The following KCTD16 variants were observed in gnomAD, a reference collection of about 807,000 sequenced individuals.
The protein encoded by KCTD16 is potassium channel tetramerization domain containing 16.
Under a neutral mutation model 33.2 loss-of-function variants are expected in KCTD16, and 13 were observed. That is an observed-to-expected ratio of 0.39 (90% CI 0.25 to 0.62). The LOEUF (loss-of-function observed/expected upper bound fraction) is 0.62, where lower values mean the gene tolerates loss of function less well. Ranked by LOEUF, KCTD16 falls within the 20% of genes least tolerant of loss-of-function variation. KCTD16 has a pLI of 0.50. For missense variants in KCTD16, 441 were observed against 525.1 expected (o/e 0.84, Z 1.57); for synonymous variants, 197 against 195.3 (o/e 1.01, Z -0.07).
chr5:144,199,483 G>T (rs1429080539), intron 2 of KCTD16, among the ~76,000 whole-genome samples: 1 of 152,190 alleles, frequency 6.6e-6, no homozygotes, highest in East Asian at 1.9e-4. Flanking sequence ...CTAAAATAGT[G>T]CATGTGGATT....
intron 3 of KCTD16, among the ~76,000 whole-genome samples, chr5:144,307,723 A>G (rs1230990991): frequency 6.6e-6 from 1 of 152,258 alleles, no homozygotes; most frequent in Non-Finnish European, 1.5e-5. Context: ...TTCAGATTAC[A>G]TAGCCATTTA....
chr5:144,434,833 A>G (rs2126971884), intron 3 of KCTD16, among the ~76,000 whole-genome samples: 1 of 152,258 alleles, frequency 6.6e-6, no homozygotes, highest in East Asian at 1.9e-4. Context: ...ACTGTGGGAG[A>G]CAACATTGTG....
At chr5:144,238,015 A>T (rs1209194726) in intron 3 of KCTD16, among the ~76,000 whole-genome samples, 2 of 152,204 alleles carry the variant, frequency 1.3e-5, no homozygotes, top group Non-Finnish European at 2.9e-5. Context: ...ATTACTAGTG[A>T]CTGGCATTTT....
intron 3 of KCTD16, among the ~76,000 whole-genome samples, chr5:144,307,076 C>T (rs1344291000): frequency 6.6e-6 from 1 of 152,182 alleles, no homozygotes. Flanking sequence ...CCTTTCTGGC[C>T]TTCTCCATAC....
chr5:144,378,412 T>C (rs1752140060), intron 3 of KCTD16, among the ~76,000 whole-genome samples: 1 of 152,208 alleles, frequency 6.6e-6, no homozygotes, highest in Non-Finnish European at 1.5e-5. Context: ...ATCAATACTA[T>C]TTTTTATTTC....
At chr5:144,343,931 A>T (rs1752713748) in intron 3 of KCTD16, among the ~76,000 whole-genome samples, 1 of 152,132 alleles carries the variant, frequency 6.6e-6, no homozygotes, top group Non-Finnish European at 1.5e-5. Context: ...ACAAAGCTGG[A>T]GGCATCACGC....
intron 2 of KCTD16, among the ~76,000 whole-genome samples, chr5:144,184,535 G>C (rs1449376673): frequency 3.3e-5 from 5 of 152,144 alleles, no homozygotes; most frequent in African/African-American, 1.2e-4. Context: ...CTTAGAAGTA[G>C]AATTGCCTGA....
chr5:144,279,581 C>T (rs571940254), intron 3 of KCTD16, among the ~76,000 whole-genome samples: 58 of 152,308 alleles, frequency 3.8e-4, no homozygotes, highest in African/African-American at 1.3e-3. Context: ...AAGATCAAGG[C>T]ATTGGCATCT....
chr5:144,316,574 G>T (rs1305167112), intron 3 of KCTD16, among the ~76,000 whole-genome samples: 11 of 146,702 alleles, frequency 7.5e-5, no homozygotes, highest in Non-Finnish European at 1.0e-4. Context: ...GCAGTGGCGC[G>T]ATCTCTCCAC....
At chr5:144,401,856 A>T (rs532107868) in intron 3 of KCTD16, among the ~76,000 whole-genome samples, 1 of 152,318 alleles carries the variant, frequency 6.6e-6, no homozygotes, top group South Asian at 2.1e-4. Flanking sequence ...AGATGAAGTG[A>T]ATTACTCAAA....
intron 3 of KCTD16, among the ~76,000 whole-genome samples, chr5:144,357,142 A>T (rs1331810315): frequency 6.6e-6 from 1 of 152,154 alleles, no homozygotes; most frequent in Admixed American, 6.6e-5. Context: ...ATAGGTTGCC[A>T]ACTTCAGCTT....
intron 2 of KCTD16, among the ~76,000 whole-genome samples, chr5:144,189,278 GTCAGGAGATTGAGACCA>G (rs1273914723): frequency 6.6e-6 from 1 of 152,056 alleles, no homozygotes; most frequent in Non-Finnish European, 1.5e-5. Flanking sequence ...GGATCACGAG[GTCAGGAGATTGAGACCA>G]TCCTGGCTAA....
rs181429543 is a variant in KCTD16 at position 144,438,586 on chromosome 5, A to G, written c.833-35074A>G. On this transcript the variant is annotated intron_variant, in intron 3 of 3. Coordinates refer to ENST00000512467, the MANE Select transcript of KCTD16 (RefSeq NM_020768.4). ...AGCCTAGCTTGGGTCATGTTCTCAT[A>G]CCTGCATCAATCACTGTGGTTGATG... 3.9e-5 allele frequency among the ~76,000 whole-genome samples: 6 copies of G among 152,282 alleles called. No individual in the cohort carries two copies. In the East Asian group the frequency reaches 7.7e-4, roughly 20 times the overall value.
chr5:144,176,964 C>G (rs573234321), intron 2 of KCTD16, among the ~76,000 whole-genome samples: 1 of 152,110 alleles, frequency 6.6e-6, no homozygotes, highest in Non-Finnish European at 1.5e-5. Context: ...TGGATGCATA[C>G]TTTGTAAATG....
intron 3 of KCTD16, among the ~76,000 whole-genome samples, chr5:144,341,166 A>G (rs922627238): frequency 2.0e-5 from 3 of 152,144 alleles, no homozygotes; most frequent in Non-Finnish European, 4.4e-5. Flanking sequence ...TAGCCATGCA[A>G]TATATGGTAT....
At chr5:144,429,232 AT>A (rs1339849867) in intron 3 of KCTD16, among the ~76,000 whole-genome samples, 2 of 152,132 alleles carry the variant, frequency 1.3e-5, no homozygotes, top group African/African-American at 4.8e-5. Context: ...ATTTGTCAGT[AT>A]TTTTCAGTTG....
intron 3 of KCTD16, among the ~76,000 whole-genome samples, chr5:144,451,383 T>C (rs2126984954): frequency 6.6e-6 from 1 of 152,282 alleles, no homozygotes; most frequent in South Asian, 2.1e-4. Context: ...TTTGTCTGTT[T>C]GGGTGTGGTA....
chr5:144,447,178 C>A (rs4624819), intron 3 of KCTD16, among the ~76,000 whole-genome samples: 3,942 of 152,208 alleles, frequency 0.026, 176 homozygotes, highest in African/African-American at 0.09. Context: ...CAATGTTAGA[C>A]TGGATAAAGA....
At chr5:144,465,247 A>T (rs1023029131) in intron 3 of KCTD16, among the ~76,000 whole-genome samples, 1 of 133,330 alleles carries the variant, frequency 7.5e-6, no homozygotes, top group South Asian at 2.4e-4. Flanking sequence ...GACATTAGGC[A>T]TGTGATCATA....
Sources: gnomAD v4.1 joint callset for allele counts (sites outside exome capture counted in the v4.1 genomes callset) on GRCh38, gnomAD v4.1.1 for gene constraint, MANE v1.5 for transcripts, NCBI Gene and HGNC (gene_info 2026-07-23, HGNC 2026-07-21) for gene names.